The following DTWD2 variants were observed in gnomAD, a reference collection of about 807,000 sequenced individuals.
DTWD2 encodes the protein tRNA-uridine aminocarboxypropyltransferase 2.
DTWD2 carries 39 observed loss-of-function variants against 31.8 expected under a neutral mutation model. The observed-to-expected ratio is 1.22, with a 90% CI of 0.95 to 1.60. The LOEUF (loss-of-function observed/expected upper bound fraction) is 1.60, where lower values mean the gene tolerates loss of function less well. Among genes scored for constraint, DTWD2 ranks in the 40% most tolerant of loss-of-function variants. The pLI, the probability that DTWD2 is intolerant of heterozygous loss-of-function variation, is 0.00. For missense variants in DTWD2, 515 were observed against 381.5 expected (o/e 1.35, Z -2.92); for synonymous variants, 180 against 142.8 (o/e 1.26, Z -1.86).
intron 4 of DTWD2, among the ~76,000 whole-genome samples, chr5:118,912,305 T>G (rs191355377): frequency 1.4e-4 from 22 of 152,264 alleles, no homozygotes; most frequent in African/African-American, 5.3e-4. Context: ...GCAAGATCAG[T>G]GTGTTGTTTC....
intron 4 of DTWD2, among the ~76,000 whole-genome samples, chr5:118,893,772 A>T (rs1753025101): frequency 6.6e-6 from 1 of 152,092 alleles, no homozygotes; most frequent in East Asian, 1.9e-4. Context: ...AATGGAGAGG[A>T]CCACAAGCCA....
At chr5:118,875,846 C>T (rs1390101578) in intron 4 of DTWD2, among the ~76,000 whole-genome samples, 2 of 152,212 alleles carry the variant, frequency 1.3e-5, no homozygotes, top group Non-Finnish European at 2.9e-5. Flanking sequence ...GAACTCAGCA[C>T]TGGATCGAAC....
intron 1 of DTWD2, among the ~76,000 whole-genome samples, chr5:118,976,985 C>T (rs1439332446): frequency 1.3e-5 from 2 of 152,286 alleles, no homozygotes; most frequent in Non-Finnish European, 1.5e-5. Context: ...AAAGGTTATC[C>T]ACCATGATCA....
At chr5:118,858,782 T>G (rs1414167607) in intron 4 of DTWD2, among the ~76,000 whole-genome samples, 1 of 152,206 alleles carries the variant, frequency 6.6e-6, no homozygotes, top group Non-Finnish European at 1.5e-5. Flanking sequence ...TTAGCAATTA[T>G]ACCCTAGTAT....
intron 2 of DTWD2, among the ~76,000 whole-genome samples, chr5:118,942,160 G>A (rs186455873): frequency 6.6e-6 from 1 of 152,154 alleles, no homozygotes; most frequent in Non-Finnish European, 1.5e-5. Flanking sequence ...ATGGTGTGCT[G>A]AAGTTAAGCA....
intron 3 of DTWD2, among the ~76,000 whole-genome samples, chr5:118,931,511 C>A (rs1388382747): frequency 2.0e-5 from 3 of 149,704 alleles, no homozygotes; most frequent in African/African-American, 7.4e-5. Context: ...TACATAATAA[C>A]AAGAGTCAAT....
chr5:118,916,583 T>C (rs1753582791), intron 4 of DTWD2, among the ~76,000 whole-genome samples: 1 of 151,128 alleles, frequency 6.6e-6, no homozygotes, highest in Non-Finnish European at 1.5e-5. Flanking sequence ...GAGAATCACT[T>C]GAACCCGGGA....
At chr5:118,974,109 C>G in intron 1 of DTWD2, 2 of 1,591,270 alleles carry the variant, frequency 1.3e-6, no homozygotes, top group Non-Finnish European at 1.7e-6. Flanking sequence ...AAGCAGAAGA[C>G]CGACGAGGAT....
chr5:118,893,280 G>A (rs1753013520), intron 4 of DTWD2, among the ~76,000 whole-genome samples: 2 of 148,906 alleles, frequency 1.3e-5, no homozygotes, highest in South Asian at 2.1e-4. Flanking sequence ...AGAATCGCTT[G>A]AACCTGGGAA....
At chr5:118,941,562 T>C (rs575937381) in intron 2 of DTWD2, among the ~76,000 whole-genome samples, 2 of 152,254 alleles carry the variant, frequency 1.3e-5, no homozygotes, top group Non-Finnish European at 2.9e-5. Context: ...CCACATTTTC[T>C]TAATCCAGTC....
chr5:118,929,220 C>T (rs766433331), intron 3 of DTWD2, among the ~76,000 whole-genome samples: 1 of 152,180 alleles, frequency 6.6e-6, no homozygotes, highest in Non-Finnish European at 1.5e-5. Context: ...TTAAAGCCAA[C>T]TAAATATGGC....
At position 118,944,626 on chromosome 5, in the gene DTWD2, C is replaced by G; in HGVS notation, c.242G>C (p.Cys81Ser). 1 of 1,613,090 alleles carries G rather than the reference C, an allele frequency of 6.2e-7. No individual in the cohort carries two copies. Among genetic ancestry groups the G allele is most frequent in the East Asian group, 2.2e-5 (1 of 44,782 alleles). ...CAGAGGGTGCGCTGGGAGAAATGGACACAAACACACTTTCTGAGGCCGGCT... is the reference window on the plus strand; with the variant it reads ...CAGAGGGTGCGCTGGGAGAAATGGAGACAAACACACTTTCTGAGGCCGGCT... Reference protein sequence around the residue: ...RCSRPQKVCLCPFLPAHPLHI... With the variant: ...RCSRPQKVCLSPFLPAHPLHI... Residue 81 changes from cysteine (C) to serine (S), a missense_variant, in exon 2 of 6, where the codon TGT becomes TCT. Physicochemically the swap from Cys to Ser is moderately radical, Grantham distance 112 (BLOSUM62 -1). Coordinates refer to ENST00000510708, the MANE Select transcript of DTWD2 (RefSeq NM_173666.4).
At chr5:118,944,246 TA>T (rs1754275864) in intron 2 of DTWD2, among the ~76,000 whole-genome samples, 2 of 152,174 alleles carry the variant, frequency 1.3e-5, no homozygotes, top group South Asian at 4.1e-4. Flanking sequence ...GACCAAAATT[TA>T]AAAAGCAATG....
chr5:118,911,741 G>A (rs1227415133), intron 4 of DTWD2, among the ~76,000 whole-genome samples: 1 of 152,210 alleles, frequency 6.6e-6, no homozygotes, highest in African/African-American at 2.4e-5. Flanking sequence ...CGGCAAGCTG[G>A]ATGAAACTGG....
In DTWD2 at chr5:118,840,836, C is replaced by T; in HGVS notation, c.*81G>A. 1.4e-6 allele frequency: 2 copies of T among 1,442,244 alleles called. No homozygotes were observed. The highest frequency in any genetic ancestry group is 2.5e-5 in the Admixed American group (1 of 40,568). The allele number at this position is 1,442,244 out of a possible 1,614,324, so 89.3% of individuals were successfully genotyped here. ...TCTCCTTCTTTAGCAAGTCAAAAAC[C>T]TACAGACCTTAACTATATGAAAACT... On this transcript the variant is annotated 3_prime_UTR_variant, in exon 6 of 6. Transcript: ENST00000510708.
At chr5:118,973,736 A>G in intron 1 of DTWD2, 3 of 1,593,810 alleles carry the variant, frequency 1.9e-6, no homozygotes, top group Non-Finnish European at 2.6e-6. Flanking sequence ...TTATCGCCAG[A>G]GTCCCTGAAC....
At position 118,925,400 on chromosome 5, in the gene DTWD2, A is replaced by G. The variant is rs140008976; in HGVS notation, c.597+3137T>C. ...ATGAACAAAAATCTACCAGGTACCTATTCACACAGAAATCATAAACTTATT... is the reference window on the plus strand; with the variant it reads ...ATGAACAAAAATCTACCAGGTACCTGTTCACACAGAAATCATAAACTTATT... On this transcript the variant is annotated intron_variant, in intron 4 of 5. Coordinates refer to ENST00000510708, the MANE Select transcript of DTWD2 (RefSeq NM_173666.4). Among the ~76,000 whole-genome samples the G allele has an allele frequency of 2.6e-5, 4 of 152,350 alleles. No individual in the cohort carries two copies. The East Asian group carries it at 7.7e-4, about 29-fold the overall frequency.
chr5:118,909,490 G>A (rs569460939), intron 4 of DTWD2, among the ~76,000 whole-genome samples: 1 of 152,274 alleles, frequency 6.6e-6, no homozygotes, highest in South Asian at 2.1e-4. Flanking sequence ...GACTTCACTT[G>A]CCTAAGCTAC....
intron 3 of DTWD2, among the ~76,000 whole-genome samples, chr5:118,932,227 C>T (rs1457582602): frequency 6.6e-6 from 1 of 151,178 alleles, no homozygotes; most frequent in Non-Finnish European, 1.5e-5. Flanking sequence ...CATTGTGGCT[C>T]ATGCCTCTAA....
Sources: allele counts gnomAD v4.1 joint callset (sites outside exome capture counted in the v4.1 genomes callset), GRCh38; gene constraint gnomAD v4.1.1; transcripts MANE v1.5; gene names NCBI Gene and HGNC (gene_info 2026-07-23, HGNC 2026-07-21).